The following SLC30A9 variants were observed in gnomAD, a reference collection of about 807,000 sequenced individuals.
SLC30A9 encodes solute carrier family 30 member 9.
A neutral mutation model predicts 87.5 loss-of-function variants in SLC30A9; 58 were observed. The observed-to-expected ratio is 0.66, with a 90% CI of 0.54 to 0.82. The LOEUF (loss-of-function observed/expected upper bound fraction) is 0.82, where lower values mean the gene tolerates loss of function less well. Among genes scored for constraint, SLC30A9 ranks in the 40% least tolerant of loss-of-function variants. The probability of loss-of-function intolerance (pLI) is 0.00; values close to 1 mark genes in which losing one functional copy is unlikely to be tolerated. For missense variants in SLC30A9, 557 were observed against 679.1 expected (o/e 0.82, Z 2.00); for synonymous variants, 234 against 233.0 (o/e 1.00, Z -0.04).
At chr4:42,082,311 C>G (rs1165766784) in intron 17 of SLC30A9, among the ~76,000 whole-genome samples, 1 of 152,036 alleles carries the variant, frequency 6.6e-6, no homozygotes. Flanking sequence ...AGGTGCCAAA[C>G]CAAAAGGGAA....
chr4:42,034,439 C>T (rs555105278), intron 6 of SLC30A9, among the ~76,000 whole-genome samples: 1 of 84,710 alleles, frequency 1.2e-5, no homozygotes, highest in South Asian at 5.3e-4. Context: ...CCTGCCACCC[C>T]CCGGTCCCTG....
At chr4:42,051,134 C>T (rs776031805) in intron 9 of SLC30A9, among the ~76,000 whole-genome samples, 4 of 152,112 alleles carry the variant, frequency 2.6e-5, no homozygotes, top group Admixed American at 6.6e-5. Context: ...GACTAGCTGA[C>T]GTAAGAGAGT....
intron 2 of SLC30A9, among the ~76,000 whole-genome samples, chr4:42,009,760 T>TCA (rs1340127721): frequency 1.3e-5 from 2 of 152,242 alleles, no homozygotes; most frequent in African/African-American, 4.8e-5. Flanking sequence ...AATATACAGC[T>TCA]TAAAGCAACT....
At chr4:42,021,500 A>C (rs1326939378) in intron 4 of SLC30A9, among the ~76,000 whole-genome samples, 2 of 152,256 alleles carry the variant, frequency 1.3e-5, no homozygotes, top group Non-Finnish European at 2.9e-5. Context: ...TTCCATAGGA[A>C]GATCCATGAT....
At chr4:41,995,029 G>T (rs1714636085) in intron 1 of SLC30A9, among the ~76,000 whole-genome samples, 1 of 151,956 alleles carries the variant, frequency 6.6e-6, no homozygotes, top group East Asian at 2.0e-4. Context: ...AGGCCAAGGT[G>T]GGCGGATCAC....
At chr4:42,078,994 A>G (rs894786141) in intron 17 of SLC30A9, 1 of 152,182 alleles carries the variant, frequency 6.6e-6, no homozygotes, top group South Asian at 2.1e-4. Context: ...AAAAACTTCC[A>G]TCTCTACTTT....
intron 8 of SLC30A9, among the ~76,000 whole-genome samples, chr4:42,043,564 C>T (rs1717008554): frequency 1.3e-5 from 2 of 152,048 alleles, no homozygotes; most frequent in Admixed American, 6.5e-5. Flanking sequence ...AAAGATGGGA[C>T]TATGTGAAAA....
At chr4:42,040,624 C>T (rs759628331) in intron 8 of SLC30A9, among the ~76,000 whole-genome samples, 25 of 151,598 alleles carry the variant, frequency 1.6e-4, no homozygotes, top group East Asian at 1.6e-3. Context: ...GGTGAAACCC[C>T]GTCTCTACTA....
chr4:42,070,428 G>T (rs1366324915), intron 14 of SLC30A9, 98 bp from the exon 15 acceptor site: 1 of 863,194 alleles, frequency 1.2e-6, no homozygotes, highest in East Asian at 2.5e-5. Context: ...TAAATTTCAA[G>T]TGCCTTGATT....
chr4:41,990,945 T>C (rs1577671193), intron 1 of SLC30A9, among the ~76,000 whole-genome samples, 185 bp downstream of exon 1: 1 of 152,246 alleles, frequency 6.6e-6, no homozygotes, highest in African/African-American at 2.4e-5. Flanking sequence ...TCTCTGACTC[T>C]GATGCCTTCT....
chr4:42,072,451 T>C (rs1181718558), intron 15 of SLC30A9, among the ~76,000 whole-genome samples: 1 of 152,182 alleles, frequency 6.6e-6, no homozygotes, highest in African/African-American at 2.4e-5. Context: ...TTTCCATATA[T>C]TGTGCCATTT....
At chr4:42,011,906 T>C (rs1279719554) in intron 2 of SLC30A9, among the ~76,000 whole-genome samples, 4 of 152,174 alleles carry the variant, frequency 2.6e-5, no homozygotes, top group Admixed American at 1.3e-4. Flanking sequence ...TAAATAGTCA[T>C]TGTCAGTAGG....
chr4:42,083,837 A>T (rs1253554963), intron 17 of SLC30A9, among the ~76,000 whole-genome samples: 1 of 152,128 alleles, frequency 6.6e-6, no homozygotes, highest in East Asian at 1.9e-4. Flanking sequence ...ATAAGGAAAA[A>T]GTTGGGAACA....
At chr4:42,031,910 G>A (rs1577696501) in intron 6 of SLC30A9, among the ~76,000 whole-genome samples, 2 of 152,130 alleles carry the variant, frequency 1.3e-5, no homozygotes, top group South Asian at 2.1e-4. Context: ...TTCTCGTATT[G>A]CTATAAAGAA....
intron 6 of SLC30A9, among the ~76,000 whole-genome samples, chr4:42,034,577 A>G (rs994412090): frequency 4.6e-5 from 7 of 152,198 alleles, no homozygotes; most frequent in African/African-American, 1.7e-4. Flanking sequence ...GTCAAGGTTT[A>G]TCCATGTTGT....
intron 7 of SLC30A9, among the ~76,000 whole-genome samples, chr4:42,037,994 A>T (rs1716763076): frequency 6.6e-6 from 1 of 151,702 alleles, no homozygotes; most frequent in Non-Finnish European, 1.5e-5. Flanking sequence ...CTGGTCTCAA[A>T]CTCCTGAGCT....
intron 5 of SLC30A9, 30 bp downstream of exon 5, chr4:42,022,960 T>A: frequency 7.4e-7 from 1 of 1,343,260 alleles, no homozygotes; most frequent in South Asian, 1.4e-5. Flanking sequence ...AGAATAAAAG[T>A]GCAAACCAAA....
In SLC30A9 at chr4:42,070,588, G is replaced by A. The variant is rs768223884; in HGVS notation, c.1315G>A (p.Ala439Thr). The change falls in exon 15 of 18, where the codon GCA (alanine) becomes ACA (threonine). Residue 439 changes from alanine to threonine, a missense_variant. By Grantham distance (58) the Ala-to-Thr change is moderately conservative. This residue lies in a region of SLC30A9 where 467 missense variants were observed against 529.8 expected (regional missense o/e 0.88). Coordinates refer to ENST00000264451, the MANE Select transcript of SLC30A9 (RefSeq NM_006345.4). ...GVGTLLGMVS[A>T]FLIYTNTEAL... The stretch of plus-strand genomic sequence containing the variant: ...GGGCACCTTATTAGGCATGGTCTCA[G>A]CATTCCTCATCTACACTAACACAGA... The A allele has an allele frequency of 1.2e-6, 2 of 1,613,296 alleles. No homozygotes were observed. The highest frequency in any genetic ancestry group is 2.2e-5 in the South Asian group (2 of 91,018).
At chr4:42,035,424 C>T in intron 7 of SLC30A9, 91 bp downstream of exon 7, 2 of 1,421,070 alleles carry the variant, frequency 1.4e-6, no homozygotes, top group African/African-American at 1.4e-5. Flanking sequence ...TGTCTGTGAT[C>T]TCAATCTAAG....
Sources: gnomAD v4.1 joint callset for allele counts (sites outside exome capture counted in the v4.1 genomes callset) on GRCh38, gnomAD v4.1.1 for gene constraint, gnomAD v4.1.1 regional missense constraint, MANE v1.5 for transcripts, NCBI Gene and HGNC (gene_info 2026-07-23, HGNC 2026-07-21) for gene names.